Variants in KCND2 observed in about 807,000 individuals in gnomAD.
KCND2 encodes potassium voltage-gated channel subfamily D member 2.
In KCND2, 16 loss-of-function variants were observed where a neutral mutation model predicts 54.4. The observed-to-expected ratio is 0.29, with a 90% CI of 0.20 to 0.45. The LOEUF is 0.45. Ranked by LOEUF, KCND2 falls within the 20% of genes least tolerant of loss-of-function variation. KCND2 has a pLI of 1.00. For synonymous variants in KCND2, 317 were observed against 310.7 expected (o/e 1.02, Z -0.21); for missense variants, 486 against 824.2 (o/e 0.59, Z 5.02).
intron 1 of KCND2, among the ~76,000 whole-genome samples, chr7:120,466,875 AC>A (rs1490164880): frequency 2.0e-5 from 3 of 151,998 alleles, no homozygotes; most frequent in African/African-American, 7.3e-5. Context: ...TCTAACTTCT[AC>A]CTATCACCTA....
At chr7:120,633,668 A>G (rs1381734639) in intron 1 of KCND2, among the ~76,000 whole-genome samples, 3 of 152,198 alleles carry the variant, frequency 2.0e-5, no homozygotes, top group Non-Finnish European at 2.9e-5. Flanking sequence ...TGACTTTATC[A>G]AAACTATTTG....
intron 1 of KCND2, among the ~76,000 whole-genome samples, chr7:120,507,937 A>G (rs758794731): frequency 6.6e-6 from 1 of 151,852 alleles, no homozygotes; most frequent in Non-Finnish European, 1.5e-5. Context: ...AGATATTTGA[A>G]AGTTTATTCT....
chr7:120,561,952 T>A (rs998112881), intron 1 of KCND2, among the ~76,000 whole-genome samples: 1 of 151,992 alleles, frequency 6.6e-6, no homozygotes, highest in Non-Finnish European at 1.5e-5. Flanking sequence ...GACTTGAGAG[T>A]CTAAGCAGAT....
intron 1 of KCND2, among the ~76,000 whole-genome samples, chr7:120,607,491 A>T (rs766216006): frequency 4.6e-5 from 7 of 152,042 alleles, no homozygotes; most frequent in Non-Finnish European, 8.8e-5. Context: ...AGTAATTTTC[A>T]TCTCTATTTC....
At chr7:120,535,067 A>C (rs1791887970) in intron 1 of KCND2, among the ~76,000 whole-genome samples, 2 of 152,116 alleles carry the variant, frequency 1.3e-5, no homozygotes, top group Non-Finnish European at 2.9e-5. Context: ...ATAAGAGGGA[A>C]AGTGGATGAA....
At chr7:120,335,408 A>G (rs1005835111) in intron 1 of KCND2, among the ~76,000 whole-genome samples, 2 of 149,372 alleles carry the variant, frequency 1.3e-5, no homozygotes, top group Non-Finnish European at 3.0e-5. Context: ...TGAACCTGAT[A>G]GCAGGCCTTG....
chr7:120,678,027 A>C (rs189754593), intron 1 of KCND2, among the ~76,000 whole-genome samples: 27 of 152,118 alleles, frequency 1.8e-4, no homozygotes, highest in Admixed American at 7.2e-4. Context: ...ATTTTGTGGA[A>C]CTGTCAGTGG....
At chr7:120,522,441 A>G (rs1791710729) in intron 1 of KCND2, among the ~76,000 whole-genome samples, 1 of 152,162 alleles carries the variant, frequency 6.6e-6, no homozygotes, top group Non-Finnish European at 1.5e-5. Context: ...TCCTTCCAAG[A>G]TAGAGATATT....
chr7:120,723,104 AG>A (rs1230638410), intron 1 of KCND2, among the ~76,000 whole-genome samples: 1 of 152,176 alleles, frequency 6.6e-6, no homozygotes, highest in Non-Finnish European at 1.5e-5. Flanking sequence ...CAATGGCCGC[AG>A]GTAACTAAAG....
chr7:120,645,921 C>T (rs1793437212), intron 1 of KCND2, among the ~76,000 whole-genome samples: 1 of 152,182 alleles, frequency 6.6e-6, no homozygotes, highest in African/African-American at 2.4e-5. Flanking sequence ...GTTATGTCTC[C>T]CTCTCCTTTA....
At chr7:120,364,189 CT>C (rs2116404757) in intron 1 of KCND2, among the ~76,000 whole-genome samples, 1 of 152,284 alleles carries the variant, frequency 6.6e-6, no homozygotes, top group East Asian at 1.9e-4. Flanking sequence ...CTTCATGTAT[CT>C]GGTTTATGAA....
At chr7:120,304,199 A>G (rs1419149538) in intron 1 of KCND2, among the ~76,000 whole-genome samples, 2 of 152,162 alleles carry the variant, frequency 1.3e-5, no homozygotes, top group African/African-American at 4.8e-5. Flanking sequence ...AGCATGTCTT[A>G]TATGTGAAGA....
At chr7:120,301,813 G>GA in intron 1 of KCND2, among the ~76,000 whole-genome samples, 1 of 152,058 alleles carries the variant, frequency 6.6e-6, no homozygotes, top group East Asian at 1.9e-4. Context: ...TAACAAGAAT[G>GA]AAAAAATACT....
chr7:120,352,439 AATAT>A (rs1241539095), intron 1 of KCND2, among the ~76,000 whole-genome samples: 2 of 137,100 alleles, frequency 1.5e-5, no homozygotes, highest in African/African-American at 2.7e-5. Context: ...CATATATACA[AATAT>A]ATATACACAC....
At chr7:120,670,880 C>T (rs892049111) in intron 1 of KCND2, among the ~76,000 whole-genome samples, 7 of 148,406 alleles carry the variant, frequency 4.7e-5, no homozygotes, top group Non-Finnish European at 8.9e-5. Flanking sequence ...CGGGCCACTG[C>T]ACTCCAGCCT....
At chr7:120,426,108 T>C (rs894463765) in intron 1 of KCND2, among the ~76,000 whole-genome samples, 9 of 152,140 alleles carry the variant, frequency 5.9e-5, no homozygotes, top group Admixed American at 2.0e-4. Context: ...AGGTCTGAAA[T>C]TGGAAGATCA....
At chr7:120,571,434 A>C (rs1325896110) in intron 1 of KCND2, among the ~76,000 whole-genome samples, 1 of 152,226 alleles carries the variant, frequency 6.6e-6, no homozygotes, top group African/African-American at 2.4e-5. Flanking sequence ...TGATTCAATA[A>C]GGGTTCGTGA....
At chr7:120,417,813 A>T (rs1244865997) in intron 1 of KCND2, among the ~76,000 whole-genome samples, 1 of 152,186 alleles carries the variant, frequency 6.6e-6, no homozygotes, top group Non-Finnish European at 1.5e-5. Context: ...CACAACACAG[A>T]GTCAAGAGTT....
Position 120,274,652 on chromosome 7 carries a change from C to A in KCND2, c.20C>A (p.Ala7Glu), listed in dbSNP as rs760610876. MAAGVA[A>E]WLPFARAAAI... is the part of the protein sequence containing the mutation. ...GTAATCATGGCGGCGGGGGTGGCAG[C>A]GTGGCTGCCTTTTGCAAGGGCAGCG... is the stretch of plus-strand genomic sequence containing the variant. Residue 7 changes from alanine to glutamate, a missense_variant, in exon 1 of 6, where the codon GCG becomes GAG. Around this residue, in one of 7 missense-constraint regions of KCND2, gnomAD observed 231 missense variants for 386.0 expected, o/e 0.60. Transcript: ENST00000331113. 8 of 1,613,914 alleles carry A rather than the reference C, an allele frequency of 5.0e-6. No homozygotes were observed. Among genetic ancestry groups the A allele is most frequent in the Non-Finnish European group, 5.1e-6 (6 of 1,180,018 alleles).
Sources: gnomAD v4.1 joint callset for allele counts (sites outside exome capture counted in the v4.1 genomes callset) on GRCh38, gnomAD v4.1.1 for gene constraint, gnomAD v4.1.1 regional missense constraint, MANE v1.5 for transcripts, NCBI Gene and HGNC (gene_info 2026-07-23, HGNC 2026-07-21) for gene names.